DNAI7: variants seen among roughly 807,000 people sequenced by gnomAD.
DNAI7 encodes cancer susceptibility 1.
A neutral mutation model predicts 86.6 loss-of-function variants in DNAI7; 78 were observed. The observed-to-expected ratio is 0.90, with a 90% CI of 0.75 to 1.09. The LOEUF (loss-of-function observed/expected upper bound fraction) is 1.09, where lower values mean the gene tolerates loss of function less well. Ranked by LOEUF, DNAI7 falls within the 50% of genes least tolerant of loss-of-function variation. DNAI7 has a pLI of 0.00. For synonymous variants in DNAI7, 274 were observed against 273.0 expected (o/e 1.00, Z -0.04); for missense variants, 753 against 810.2 (o/e 0.93, Z 0.86).
At chr12:25,173,483 A>G (rs1948363114) in intron 2 of DNAI7, among the ~76,000 whole-genome samples, 1 of 152,136 alleles carries the variant, frequency 6.6e-6, no homozygotes, top group Non-Finnish European at 1.5e-5. Flanking sequence ...TGAACAGGAA[A>G]AACTTCCAGA....
chr12:25,118,852 C>A (rs535458315), intron 12 of DNAI7, among the ~76,000 whole-genome samples: 1 of 152,352 alleles, frequency 6.6e-6, no homozygotes, highest in African/African-American at 2.4e-5. Context: ...CAGGCATGAG[C>A]CATCGTGCCC....
intron 2 of DNAI7, among the ~76,000 whole-genome samples, chr12:25,166,023 C>T (rs1423923278): frequency 6.6e-6 from 1 of 152,126 alleles, no homozygotes; most frequent in Non-Finnish European, 1.5e-5. Context: ...CTTTGTATCT[C>T]CCCATCTTAA....
intron 5 of DNAI7, among the ~76,000 whole-genome samples, chr12:25,154,761 T>G (rs1055665203): frequency 6.6e-5 from 10 of 152,254 alleles, no homozygotes; most frequent in African/African-American, 1.4e-4. Context: ...GAGCTGCTTA[T>G]TTGCAAAGGC....
chr12:25,153,114 A>G (rs541207737), intron 6 of DNAI7, among the ~76,000 whole-genome samples: 1 of 152,016 alleles, frequency 6.6e-6, no homozygotes, highest in Non-Finnish European at 1.5e-5. Context: ...AAATTTTCCA[A>G]TCCAACTTTT....
At chr12:25,164,241 A>C (rs1249353485) in intron 2 of DNAI7, among the ~76,000 whole-genome samples, 3 of 126,814 alleles carry the variant, frequency 2.4e-5, no homozygotes, top group Non-Finnish European at 3.3e-5. Flanking sequence ...CTTCTCCTTC[A>C]CCCTTAGCAG....
rs1555154890 is a variant in DNAI7 at position 25,117,938 on chromosome 12, C to CTTTCTTTTT, written c.1396+1206_1396+1207insAAAAAGAAA. 1.6e-4 allele frequency among the ~76,000 whole-genome samples: 21 copies of CTTTCTTTTT among 135,012 alleles called. 4 individuals are homozygous for CTTTCTTTTT. Among genetic ancestry groups the CTTTCTTTTT allele is most frequent in the East Asian group, 4.2e-4 (2 of 4,710 alleles). The allele number at this position is 135,012 out of a possible 152,430, so 88.6% of individuals were successfully genotyped here. A position where few individuals can be genotyped will look rare whatever the true frequency, so the allele number is the denominator to read the frequency against. ...TAAACTATTTTGATATTTTCTTTTT[C>CTTTCTTTTT]TTTTTTTTTTTTTTTTTGAGACGGA... On this transcript the variant is annotated intron_variant, in intron 12 of 15. Transcript: ENST00000395987.
chr12:25,110,805 TA>T (rs1938659057), intron 14 of DNAI7, among the ~76,000 whole-genome samples: 1 of 152,232 alleles, frequency 6.6e-6, no homozygotes, highest in Non-Finnish European at 1.5e-5. Flanking sequence ...ACTAATCATT[TA>T]TTTTTTTAAA....
intron 13 of DNAI7, among the ~76,000 whole-genome samples, chr12:25,113,919 T>C (rs1382028776): frequency 6.8e-6 from 1 of 146,784 alleles, no homozygotes; most frequent in Non-Finnish European, 1.5e-5. Context: ...GGCTATGTAA[T>C]TTCTTTCTTT....
At chr12:25,135,002 C>A (rs545109260) in intron 9 of DNAI7, among the ~76,000 whole-genome samples, 2 of 152,272 alleles carry the variant, frequency 1.3e-5, no homozygotes, top group Admixed American at 1.3e-4. Context: ...CTTGGACAGA[C>A]AGAACAGTGA....
chr12:25,167,913 C>T (rs1479214538), intron 2 of DNAI7, among the ~76,000 whole-genome samples: 2 of 152,186 alleles, frequency 1.3e-5, no homozygotes, highest in Non-Finnish European at 2.9e-5. Context: ...CATTGGAATT[C>T]CCCTGGGTAA....
At chr12:25,153,086 T>C (rs910932088) in intron 6 of DNAI7, among the ~76,000 whole-genome samples, 4 of 152,208 alleles carry the variant, frequency 2.6e-5, no homozygotes, top group Admixed American at 2.6e-4. Context: ...TCTCTTTGTC[T>C]CTGTGCTGTC....
At chr12:25,182,010 G>C (rs1949544618) in intron 2 of DNAI7, among the ~76,000 whole-genome samples, 1 of 150,158 alleles carries the variant, frequency 6.7e-6, no homozygotes, top group East Asian at 2.0e-4. Context: ...CCCACTACTG[G>C]GTATCTGCTG....
chr12:25,155,319 G>T lies in DNAI7; in HGVS notation c.292C>A (p.Leu98Ile). 1 of 1,581,296 alleles carries T rather than the reference G, an allele frequency of 6.3e-7. No homozygotes were observed. Among genetic ancestry groups the T allele is most frequent in the Non-Finnish European group, 8.7e-7 (1 of 1,153,304 alleles). Residue 98 changes from leucine to isoleucine, a missense_variant, in exon 5 of 16, where the codon CTT becomes ATT. Coordinates refer to ENST00000395987, the MANE Select transcript of DNAI7 (RefSeq NM_018272.5). ...AEKLKQETKLLSQWKHYIQCD... is the reference protein window; with the variant it reads ...AEKLKQETKLISQWKHYIQCD... Reference sequence around the variant, plus strand: ...AGAGAAATCAGTCCTACCTGAGAAAGCAATTTAGTTTCCTGTTTCAATTTC... The same window carrying T: ...AGAGAAATCAGTCCTACCTGAGAAATCAATTTAGTTTCCTGTTTCAATTTC...
chr12:25,163,959 G>C (rs1387440391), intron 2 of DNAI7, among the ~76,000 whole-genome samples: 1 of 152,142 alleles, frequency 6.6e-6, no homozygotes, highest in African/African-American at 2.4e-5. Context: ...CACTGACTTG[G>C]GAAGACAGTC....
chr12:25,163,205 A>G (rs1312176709), intron 2 of DNAI7, among the ~76,000 whole-genome samples: 1 of 152,236 alleles, frequency 6.6e-6, no homozygotes, highest in African/African-American at 2.4e-5. Flanking sequence ...TCACATTTCA[A>G]TACTAACTGT....
chr12:25,147,149 A>C, intron 7 of DNAI7, 45 bp from the exon 8 acceptor site: 1 of 897,730 alleles, frequency 1.1e-6, no homozygotes, highest in African/African-American at 1.7e-5. Flanking sequence ...CAGGCCTCAT[A>C]AATTATACAA....
At chr12:25,134,123 T>C (rs1169224653) in intron 9 of DNAI7, among the ~76,000 whole-genome samples, 2 of 152,032 alleles carry the variant, frequency 1.3e-5, no homozygotes, top group Non-Finnish European at 2.9e-5. Flanking sequence ...GGGTTCCTAG[T>C]AACTTGAACT....
At chr12:25,163,881 TC>T (rs1012778580) in intron 2 of DNAI7, among the ~76,000 whole-genome samples, 20 of 152,194 alleles carry the variant, frequency 1.3e-4, no homozygotes, top group African/African-American at 4.8e-4. Flanking sequence ...TAATTTCAGT[TC>T]CTTTTCTTTT....
At chr12:25,193,845 G>A (rs558558125) in intron 1 of DNAI7, among the ~76,000 whole-genome samples, 1 of 150,418 alleles carries the variant, frequency 6.6e-6, no homozygotes, top group East Asian at 2.0e-4. Context: ...TTTTTGAGAC[G>A]GAGTCTCGCT....
Sources: gnomAD v4.1 joint callset for allele counts (sites outside exome capture counted in the v4.1 genomes callset) on GRCh38, gnomAD v4.1.1 for gene constraint, MANE v1.5 for transcripts, NCBI Gene and HGNC (gene_info 2026-07-23, HGNC 2026-07-21) for gene names.